Variants in BEND7 observed in about 807,000 individuals in gnomAD.
BEND7 encodes BEN domain-containing protein 7.
In BEND7, 28 loss-of-function variants were observed where a neutral mutation model predicts 50.9. The observed-to-expected ratio is 0.55, with a 90% CI of 0.41 to 0.75. BEND7 has a LOEUF of 0.75. BEND7 is among the 30% of genes least tolerant of loss of function. The pLI is 0.00. For missense variants in BEND7, 477 were observed against 491.3 expected (o/e 0.97, Z 0.28); for synonymous variants, 170 against 183.9 (o/e 0.92, Z 0.61).
intron 2 of BEND7, among the ~76,000 whole-genome samples, chr10:13,519,616 G>A (rs183086780): frequency 2.2e-4 from 33 of 152,380 alleles, no homozygotes; most frequent in Admixed American, 1.8e-3. Context: ...ATGTGCGTCA[G>A]GAGGGCCAAC....
intron 8 of BEND7, 115 bp from the exon 9 acceptor site, chr10:13,441,865 C>G (rs756722756): frequency 1.1e-5 from 12 of 1,056,020 alleles, no homozygotes; most frequent in Non-Finnish European, 1.7e-5. Context: ...CCTTGTAGCC[C>G]CCCAAAAGAA....
At chr10:13,517,744 T>C (rs1200665139) in intron 2 of BEND7, among the ~76,000 whole-genome samples, 2 of 152,128 alleles carry the variant, frequency 1.3e-5, no homozygotes, top group African/African-American at 4.8e-5. Context: ...AGCCTGTCTC[T>C]GAAAAATGGA....
downstream of BEND7, among the ~76,000 whole-genome samples, chr10:13,439,925 C>T (rs1835124354): frequency 6.6e-6 from 1 of 152,200 alleles, no homozygotes; most frequent in Non-Finnish European, 1.5e-5. Context: ...CCCTCTCGCC[C>T]GTCTTTTCTC....
At chr10:13,439,668 A>G (rs1022620260), downstream of BEND7, among the ~76,000 whole-genome samples, 1 of 152,132 alleles carries the variant, frequency 6.6e-6, no homozygotes, top group African/African-American at 2.4e-5. Flanking sequence ...CTCCAGCCTG[A>G]GCTGATTCTT....
chr10:13,451,954 A>G (rs904820851), intron 7 of BEND7, among the ~76,000 whole-genome samples: 9 of 152,248 alleles, frequency 5.9e-5, no homozygotes, highest in African/African-American at 1.9e-4. Flanking sequence ...GGGGAAGCTG[A>G]GACTTCAGTG....
At chr10:13,442,910 T>C (rs1449848699) in intron 8 of BEND7, 1 of 152,232 alleles carries the variant, frequency 6.6e-6, no homozygotes, top group Non-Finnish European at 1.5e-5. Context: ...TCTAAGATGA[T>C]GAAGGTCTAA....
At chr10:13,479,068 G>T (rs891625676) in intron 6 of BEND7, among the ~76,000 whole-genome samples, 1 of 149,238 alleles carries the variant, frequency 6.7e-6, no homozygotes, top group South Asian at 2.1e-4. Flanking sequence ...GTACAATGGT[G>T]CGATCTCAGC....
intron 1 of BEND7, among the ~76,000 whole-genome samples, chr10:13,527,199 A>G (rs2132824742): frequency 6.6e-6 from 1 of 152,052 alleles, no homozygotes; most frequent in Non-Finnish European, 1.5e-5. Flanking sequence ...TAAAAGTCCA[A>G]GTAACTGAGT....
At chr10:13,502,843 C>T (rs2077579782) in intron 2 of BEND7, 11 of 948,558 alleles carry the variant, frequency 1.2e-5, no homozygotes, top group Non-Finnish European at 1.4e-5. Flanking sequence ...AGCCAGGCCA[C>T]ATGGGGCAGA....
intron 2 of BEND7, among the ~76,000 whole-genome samples, chr10:13,501,845 CAA>C (rs11297588): frequency 3.5e-4 from 50 of 141,880 alleles, no homozygotes; most frequent in Non-Finnish European, 4.1e-4. Context: ...GACCCTGTCT[CAA>C]AAAAAAAAAA....
chr10:13,485,733 A>G (rs1316931627), intron 5 of BEND7, among the ~76,000 whole-genome samples: 1 of 152,232 alleles, frequency 6.6e-6, no homozygotes, highest in Non-Finnish European at 1.5e-5. Context: ...AAGAAATTTT[A>G]AAACACAAAC....
At chr10:13,451,233 A>C (rs1261249554) in intron 7 of BEND7, among the ~76,000 whole-genome samples, 1 of 151,154 alleles carries the variant, frequency 6.6e-6, no homozygotes, top group Non-Finnish European at 1.5e-5. Flanking sequence ...TCTGTCACCC[A>C]GACTGTAGTG....
chr10:13,443,853 G>A (rs996139627), intron 8 of BEND7: 2 of 152,130 alleles, frequency 1.3e-5, no homozygotes, highest in Non-Finnish European at 2.9e-5. Context: ...TAAATAAAAT[G>A]GAGAAACATT....
Position 13,528,707 on chromosome 10 carries a change from G to C in BEND7, c.-174C>G, listed in dbSNP as rs2079572253. 5.7e-6 allele frequency: 1 copy of C among 174,374 alleles called. No homozygotes were observed. The allele number at this position is 174,374 out of a possible 1,614,324, so 10.8% of individuals were successfully genotyped here. A position where few individuals can be genotyped will look rare whatever the true frequency, so the allele number is the denominator to read the frequency against. ...CGCGGGACGGGAGGAACCACCGCGA[G>C]CCGGCTCGGGGCTGCAGGCGCGGGG... On this transcript the variant is annotated 5_prime_UTR_variant, in exon 1 of 9. Coordinates refer to ENST00000466271, the MANE Select transcript of BEND7 (RefSeq NM_001369863.1).
chr10:13,523,706 G>C (rs528778224), intron 2 of BEND7, among the ~76,000 whole-genome samples: 1 of 152,262 alleles, frequency 6.6e-6, no homozygotes, highest in East Asian at 1.9e-4. Flanking sequence ...TTTGAAAAGT[G>C]TAACTATAAA....
At chr10:13,475,475 G>T (rs971118331) in intron 6 of BEND7, among the ~76,000 whole-genome samples, 2 of 152,204 alleles carry the variant, frequency 1.3e-5, no homozygotes, top group African/African-American at 4.8e-5. Flanking sequence ...ATGTACTGAA[G>T]AGTCTCAGAA....
intron 5 of BEND7, 149 bp from the exon 6 acceptor site, chr10:13,481,273 T>G: frequency 2.7e-6 from 2 of 736,924 alleles, no homozygotes; most frequent in Non-Finnish European, 4.3e-6. Flanking sequence ...TGCCAGGATC[T>G]GCTATTTATA....
intron 2 of BEND7, among the ~76,000 whole-genome samples, chr10:13,505,553 A>G (rs745690790): frequency 6.6e-6 from 1 of 152,202 alleles, no homozygotes; most frequent in Admixed American, 6.5e-5. Context: ...CCCGGGGTCC[A>G]TAAGTACTAA....
intron 6 of BEND7, among the ~76,000 whole-genome samples, chr10:13,471,614 C>T (rs2074842210): frequency 6.6e-6 from 1 of 152,254 alleles, no homozygotes; most frequent in Non-Finnish European, 1.5e-5. Flanking sequence ...TCTGTCTAGT[C>T]CTGGTGAGGC....
Sources: allele counts gnomAD v4.1 joint callset (sites outside exome capture counted in the v4.1 genomes callset), GRCh38; gene constraint gnomAD v4.1.1; transcripts MANE v1.5; gene names NCBI Gene and HGNC (gene_info 2026-07-23, HGNC 2026-07-21).